The following CCL5 variants were observed in gnomAD, a reference collection of about 807,000 sequenced individuals.
CCL5 encodes the protein C-C motif chemokine ligand 5.
CCL5 carries 5 observed loss-of-function variants against 9.0 expected under a neutral mutation model. The ratio of observed to expected loss-of-function variants is 0.55; its 90% CI spans 0.29 to 1.16. CCL5 has a LOEUF of 1.16. CCL5 is among the 50% of genes most tolerant of loss of function. CCL5 has a pLI of 0.08. For missense variants in CCL5, 183 were observed against 183.2 expected, an observed-to-expected ratio of 1.00 and a Z score of 0.01; for synonymous variants, 66 against 72.0, an observed-to-expected ratio of 0.92 and a Z score of 0.42.
At chr17:35,876,812 C>A (rs1279126860) in intron 2 of CCL5, among the ~76,000 whole-genome samples, 1 of 152,196 alleles carries the variant, frequency 6.6e-6, no homozygotes, top group Non-Finnish European at 1.5e-5. Flanking sequence ...GTCCCTTTTC[C>A]TGATATATCC....
chr17:35,879,903 T>G (rs1242991263), intron 1 of CCL5, among the ~76,000 whole-genome samples: 11 of 152,110 alleles, frequency 7.2e-5, no homozygotes, highest in African/African-American at 2.2e-4. Context: ...GAGTCAGACG[T>G]GTTTCAAAGT....
In CCL5 at chr17:35,880,329, G is replaced by A. The variant is rs1429481560; in HGVS notation, c.-24C>T. 3 of 1,591,986 alleles carry A rather than the reference G, an allele frequency of 1.9e-6. No homozygotes were observed. The highest frequency in any genetic ancestry group is 2.3e-5 in the East Asian group (1 of 44,352). On this transcript the variant is annotated 5_prime_UTR_variant, in exon 1 of 4. Transcript: ENST00000651122. Reference sequence around the variant, plus strand: ...ATGGTACCTGTGGGAGAGGCTGTGCGAGGTCCACGTGCTGTCTTGATCCTC... The same window carrying A: ...ATGGTACCTGTGGGAGAGGCTGTGCAAGGTCCACGTGCTGTCTTGATCCTC...
intron 1 of CCL5, among the ~76,000 whole-genome samples, chr17:35,879,341 T>A (rs189834839): frequency 2.5e-4 from 38 of 152,118 alleles, no homozygotes; most frequent in African/African-American, 7.7e-4. Context: ...TTAAATAAGA[T>A]GTACAAAAAT....
chr17:35,878,863 C>T (rs182621470), intron 1 of CCL5, among the ~76,000 whole-genome samples: 16 of 152,328 alleles, frequency 1.1e-4, no homozygotes, highest in Admixed American at 3.3e-4. Flanking sequence ...CATCCCTCTA[C>T]ACCATAACCT....
chr17:35,874,346 A>C (rs145827331), intron 3 of CCL5, among the ~76,000 whole-genome samples: 17 of 152,254 alleles, frequency 1.1e-4, no homozygotes, highest in African/African-American at 4.1e-4. Context: ...CCCAGGCTGA[A>C]GTGTAGTGAC....
intron 2 of CCL5, among the ~76,000 whole-genome samples, chr17:35,877,657 A>C (rs1057005026): frequency 1.3e-5 from 2 of 152,274 alleles, no homozygotes; most frequent in African/African-American, 4.8e-5. Context: ...GATCAGGCAC[A>C]TAAGACATTT....
At chr17:35,875,380 G>T (rs960212254) in intron 3 of CCL5, among the ~76,000 whole-genome samples, 1 of 152,126 alleles carries the variant, frequency 6.6e-6, no homozygotes, top group Non-Finnish European at 1.5e-5. Context: ...TGAGAATGAG[G>T]ATTTCTTGGT....
chr17:35,872,438 A>G lies in CCL5; in HGVS notation c.297T>C (p.Ser99=), dbSNP rs781159560. ...CCATTTCTTCTCTGGGTTGGCACACACTTGGCGGTTCTTTCGGGTGACAAA... is the reference window on the plus strand; with the variant it reads ...CCATTTCTTCTCTGGGTTGGCACACGCTTGGCGGTTCTTTCGGGTGACAAA... The change falls in exon 4 of 4, where the codon AGT becomes AGC. Residue 99 remains serine (S), a synonymous_variant. Transcript: ENST00000651122. 6.2e-7 allele frequency: 1 copy of G among 1,614,034 alleles called. No homozygotes were observed. The highest frequency in any genetic ancestry group is 1.1e-5 in the South Asian group (1 of 91,076).
intron 2 of CCL5, among the ~76,000 whole-genome samples, chr17:35,877,142 A>G (rs2088450547): frequency 6.6e-6 from 1 of 152,196 alleles, no homozygotes; most frequent in South Asian, 2.1e-4. Flanking sequence ...ATTATACTTA[A>G]AAGGATTCAT....
At chr17:35,878,710 C>T (rs1485098113) in intron 1 of CCL5, 71 bp from the exon 2 acceptor site, 1 of 843,716 alleles carries the variant, frequency 1.2e-6, no homozygotes, top group African/African-American at 1.7e-5. Context: ...GTGCTGGACA[C>T]TTTATATGAT....
chr17:35,877,259 CAG>C (rs1371274908), intron 2 of CCL5, among the ~76,000 whole-genome samples: 1 of 152,074 alleles, frequency 6.6e-6, no homozygotes, highest in Non-Finnish European at 1.5e-5. Flanking sequence ...CCTGTAATCC[CAG>C]CACTTTAGGA....
At chr17:35,873,127 T>A (rs758415595) in intron 3 of CCL5, among the ~76,000 whole-genome samples, 16 of 151,740 alleles carry the variant, frequency 1.1e-4, no homozygotes, top group Admixed American at 6.6e-4. Flanking sequence ...TAACCTCAGG[T>A]GATCCACCCA....
intron 1 of CCL5, 57 bp from the exon 2 acceptor site, chr17:35,878,696 C>A: frequency 1.0e-6 from 1 of 969,692 alleles, no homozygotes; most frequent in Non-Finnish European, 1.6e-6. Flanking sequence ...GCACACTTGA[C>A]ATTGTGCTGG....
intron 3 of CCL5, among the ~76,000 whole-genome samples, chr17:35,875,245 AT>A (rs202080609): frequency 1.3e-5 from 2 of 151,756 alleles, no homozygotes; most frequent in African/African-American, 2.4e-5. Context: ...ACAGCATTAA[AT>A]TTTTTTTTAA....
At chr17:35,874,591 C>A (rs376817859) in intron 3 of CCL5, among the ~76,000 whole-genome samples, 3 of 152,166 alleles carry the variant, frequency 2.0e-5, no homozygotes, top group East Asian at 3.8e-4. Context: ...GGTAAGCCAC[C>A]ATGCCTGGCC....
intron 2 of CCL5, among the ~76,000 whole-genome samples, chr17:35,876,710 G>A (rs2088445384): frequency 6.6e-6 from 1 of 152,304 alleles, no homozygotes; most frequent in African/African-American, 2.4e-5. Flanking sequence ...ACACTTGACA[G>A]CTGCATTTAG....
intron 3 of CCL5, among the ~76,000 whole-genome samples, chr17:35,874,310 A>AT (rs1048295554): frequency 1.5e-4 from 23 of 152,200 alleles, no homozygotes; most frequent in Admixed American, 3.3e-4. Flanking sequence ...ATTTATTTTT[A>AT]TTTTTGAGAC....
intron 2 of CCL5, among the ~76,000 whole-genome samples, chr17:35,876,944 T>G (rs186210921): frequency 2.8e-4 from 42 of 152,280 alleles, no homozygotes; most frequent in Non-Finnish European, 4.4e-5. Context: ...TGTTTTTTTT[T>G]GCTGTGTACT....
intron 3 of CCL5, 34 bp from the exon 3 acceptor site, chr17:35,872,498 C>A: frequency 6.3e-7 from 1 of 1,592,510 alleles, no homozygotes; most frequent in Non-Finnish European, 8.6e-7. Flanking sequence ...GAGGATGAGA[C>A]CTTGTCAGTA....
Sources: gnomAD v4.1 joint callset for allele counts (sites outside exome capture counted in the v4.1 genomes callset) on GRCh38, gnomAD v4.1.1 for gene constraint, MANE v1.5 for transcripts, NCBI Gene and HGNC (gene_info 2026-07-23, HGNC 2026-07-21) for gene names.